Variants in SOX5 observed in about 807,000 individuals in gnomAD.
The protein encoded by SOX5 is transcription factor SOX-5.
In SOX5, 9 loss-of-function variants were observed where a neutral mutation model predicts 92.0. The ratio of observed to expected loss-of-function variants is 0.10; its 90% CI spans 0.06 to 0.17. SOX5 has a LOEUF of 0.17. Among genes scored for constraint, SOX5 ranks in the 10% least tolerant of loss-of-function variants. The pLI is 1.00. For synonymous variants in SOX5, 344 were observed against 336.3 expected (o/e 1.02, Z -0.25); for missense variants, 642 against 944.5 (o/e 0.68, Z 4.20).
At position 24,231,592 on chromosome 12, in the gene SOX5, A is replaced by G. The variant is rs114319023; in HGVS notation, c.-76-18175T>C. Among the ~76,000 whole-genome samples, 824 of 152,352 alleles carry G rather than the reference A, an allele frequency of 5.4e-3. 5 individuals carry two copies. The highest frequency in any genetic ancestry group is 0.019 in the African/African-American group (800 of 41,582). On this transcript the variant is annotated intron_variant, in intron 3 of 4. Coordinates refer to the SOX5 transcript ENST00000446891. ...TACACTGTCGGTTACTCAGAAACTT[A>G]TCTAATGTCTCTACACATATACTCA... is the stretch of plus-strand genomic sequence containing the variant.
chr12:23,586,247 A>C (rs768999202), intron 9 of SOX5, among the ~76,000 whole-genome samples: 16 of 152,162 alleles, frequency 1.1e-4, no homozygotes, highest in Admixed American at 6.6e-4. Flanking sequence ...ACAAAATTAG[A>C]ACAGTTGTGC....
intron 1 of SOX5, among the ~76,000 whole-genome samples, chr12:23,906,262 A>T (rs1423197212): frequency 1.3e-5 from 2 of 152,270 alleles, no homozygotes; most frequent in Non-Finnish European, 2.9e-5. Context: ...TAAATTACTT[A>T]GAATAATCTA....
intron 2 of SOX5, among the ~76,000 whole-genome samples, chr12:24,363,729 A>T (rs1955855069): frequency 6.6e-6 from 1 of 151,024 alleles, no homozygotes; most frequent in Admixed American, 6.6e-5. Context: ...AAAAAAAAAA[A>T]GTCTGATTCA....
At chr12:24,540,008 T>C (rs1951974647) in intron 1 of SOX5, among the ~76,000 whole-genome samples, 1 of 152,116 alleles carries the variant, frequency 6.6e-6, no homozygotes, top group Admixed American at 6.6e-5. Context: ...GAATGAAAAT[T>C]CCAAGTGCTA....
intron 9 of SOX5, among the ~76,000 whole-genome samples, chr12:23,577,192 T>TATATATATATATATATA (rs1555172432): frequency 6.9e-5 from 4 of 58,286 alleles, no homozygotes; most frequent in African/African-American, 2.4e-4. Flanking sequence ...TATATATATA[T>TATATATATATATATATA]TTTTTTTTTT....
chr12:24,522,763 T>C (rs1051116252), intron 1 of SOX5, among the ~76,000 whole-genome samples: 7 of 152,124 alleles, frequency 4.6e-5, no homozygotes, highest in African/African-American at 7.2e-5. Flanking sequence ...AGAAGGAAAG[T>C]ATCTCAACAG....
At chr12:24,550,019 A>G (rs1459824716) in intron 1 of SOX5, among the ~76,000 whole-genome samples, 2 of 152,216 alleles carry the variant, frequency 1.3e-5, no homozygotes, top group Non-Finnish European at 2.9e-5. Flanking sequence ...CTATGTTACA[A>G]TGAGCAAGAG....
chr12:24,366,982 A>G (rs1956238906), intron 2 of SOX5, among the ~76,000 whole-genome samples: 1 of 152,192 alleles, frequency 6.6e-6, no homozygotes, highest in Admixed American at 6.5e-5. Flanking sequence ...CTGACAGTTC[A>G]AATAGCCATG....
At chr12:24,100,124 T>C (rs1015984678) in intron 4 of SOX5, among the ~76,000 whole-genome samples, 2 of 152,124 alleles carry the variant, frequency 1.3e-5, no homozygotes, top group African/African-American at 4.8e-5. Flanking sequence ...ATCTACAATC[T>C]CTCCCTTCTT....
chr12:24,328,403 A>G (rs948512410), intron 2 of SOX5, among the ~76,000 whole-genome samples: 1 of 152,212 alleles, frequency 6.6e-6, no homozygotes, highest in Non-Finnish European at 1.5e-5. Context: ...CTATTTTCCT[A>G]CTGAAATCCC....
At chr12:23,873,273 C>G (rs2096893750) in intron 2 of SOX5, among the ~76,000 whole-genome samples, 1 of 150,854 alleles carries the variant, frequency 6.6e-6, no homozygotes, top group African/African-American at 2.4e-5. Flanking sequence ...AGACTGAAGA[C>G]CGGCCTGGGC....
chr12:23,816,149 C>T (rs989442703), intron 3 of SOX5, among the ~76,000 whole-genome samples: 10 of 151,142 alleles, frequency 6.6e-5, no homozygotes, highest in East Asian at 3.9e-4. Flanking sequence ...ACCCTATTTG[C>T]GGACCACTGC....
intron 1 of SOX5, among the ~76,000 whole-genome samples, chr12:24,399,952 A>G (rs976991764): frequency 2.6e-5 from 4 of 152,218 alleles, no homozygotes; most frequent in Non-Finnish European, 5.9e-5. Context: ...AATTTGCTCT[A>G]TTATCTACAA....
intron 5 of SOX5, chr12:23,738,376 CTG>C (rs2093678782): frequency 6.6e-6 from 1 of 152,194 alleles, no homozygotes; most frequent in African/African-American, 2.4e-5. Context: ...AGAGTGGTAA[CTG>C]TGCATGCCTG....
chr12:24,083,591 C>A (rs1409073341), intron 4 of SOX5, among the ~76,000 whole-genome samples: 9 of 151,944 alleles, frequency 5.9e-5, no homozygotes, highest in African/African-American at 2.2e-4. Flanking sequence ...AGGGGAACTT[C>A]CCCAGAACTA....
At position 23,759,024 on chromosome 12, in the gene SOX5, C is replaced by CACAG. The variant is rs1214244950; in HGVS notation, c.482-3301_482-3300insCTGT. ...TGGCAACACAAAACACACACACACA[C>CACAG]ACACAGACACACACACACACACACA... is the stretch of plus-strand genomic sequence containing the variant. On this transcript the variant is annotated intron_variant, in intron 3 of 14. Transcript: ENST00000451604. Among the ~76,000 whole-genome samples, 74 of 65,338 alleles carry CACAG rather than the reference C, an allele frequency of 1.1e-3. 1 individual carries two copies. The highest frequency in any genetic ancestry group is 3.0e-3 in the African/African-American group (63 of 21,248). The allele number at this position is 65,338 out of a possible 152,430, so 42.9% of individuals were successfully genotyped here.
intron 4 of SOX5, among the ~76,000 whole-genome samples, chr12:24,170,223 G>A (rs1200612139): frequency 1.3e-5 from 2 of 152,156 alleles, no homozygotes; most frequent in Admixed American, 6.5e-5. Context: ...TCTGCCATCC[G>A]CAAAATAGCA....
intron 1 of SOX5, among the ~76,000 whole-genome samples, chr12:24,402,074 T>C (rs563480998): frequency 3.9e-5 from 6 of 152,348 alleles, no homozygotes; most frequent in African/African-American, 1.4e-4. Flanking sequence ...GGATGGTATT[T>C]ATCTCACTTC....
chr12:23,753,785 C>G (rs529751548), intron 4 of SOX5, among the ~76,000 whole-genome samples: 1 of 151,574 alleles, frequency 6.6e-6, no homozygotes, highest in African/African-American at 2.4e-5. Context: ...AATTCACTTA[C>G]CCCCAGAGGG....
Sources: allele counts gnomAD v4.1 joint callset (sites outside exome capture counted in the v4.1 genomes callset), GRCh38; gene constraint gnomAD v4.1.1; transcripts MANE v1.5; gene names NCBI Gene and HGNC (gene_info 2026-07-23, HGNC 2026-07-21).